The following ST6GALNAC3 variants were observed in gnomAD, a reference collection of about 807,000 sequenced individuals.
ST6GALNAC3 encodes alpha-N-acetylgalactosaminide alpha-2,6-sialyltransferase 3.
Under a neutral mutation model 32.7 loss-of-function variants are expected in ST6GALNAC3, and 25 were observed. The ratio of observed to expected loss-of-function variants is 0.76; its 90% CI spans 0.56 to 1.07. The LOEUF is 1.07. ST6GALNAC3 is among the 50% of genes least tolerant of loss of function. The pLI is 0.00. For synonymous variants in ST6GALNAC3, 129 were observed against 133.1 expected (o/e 0.97, Z 0.21); for missense variants, 355 against 382.4 (o/e 0.93, Z 0.60).
chr1:76,346,429 G>A (rs1329450954), intron 2 of ST6GALNAC3, among the ~76,000 whole-genome samples: 1 of 152,202 alleles, frequency 6.6e-6, no homozygotes, highest in Non-Finnish European at 1.5e-5. Flanking sequence ...TGGCATTTCA[G>A]GAGATGCCTT....
At chr1:76,306,358 T>C (rs939117554) in intron 1 of ST6GALNAC3, among the ~76,000 whole-genome samples, 1 of 152,042 alleles carries the variant, frequency 6.6e-6, no homozygotes, top group Non-Finnish European at 1.5e-5. Context: ...CTCTTTCAGC[T>C]CCACAATCCA....
intron 3 of ST6GALNAC3, among the ~76,000 whole-genome samples, chr1:76,586,086 T>C (rs1208311105): frequency 2.0e-5 from 3 of 152,182 alleles, no homozygotes; most frequent in African/African-American, 7.2e-5. Context: ...GTGGACTCTG[T>C]TTTGGTCTGT....
intron 1 of ST6GALNAC3, among the ~76,000 whole-genome samples, chr1:76,289,298 A>C (rs1659946279): frequency 6.6e-6 from 1 of 152,214 alleles, no homozygotes; most frequent in South Asian, 2.1e-4. Context: ...GGCAGTGGTC[A>C]TGAGCATAGA....
intron 3 of ST6GALNAC3, among the ~76,000 whole-genome samples, chr1:76,557,323 T>G (rs1285932514): frequency 6.6e-6 from 1 of 152,120 alleles, no homozygotes; most frequent in Non-Finnish European, 1.5e-5. Context: ...CCTCCAACTT[T>G]TTTATCCTTT....
intron 3 of ST6GALNAC3, among the ~76,000 whole-genome samples, chr1:76,620,524 G>C (rs1042479565): frequency 2.0e-5 from 3 of 152,032 alleles, no homozygotes; most frequent in African/African-American, 7.2e-5. Context: ...ACAGGTTTCT[G>C]GTGAAGGCTC....
At chr1:76,420,793 CT>C (rs746853013) in intron 3 of ST6GALNAC3, among the ~76,000 whole-genome samples, 17 of 152,166 alleles carry the variant, frequency 1.1e-4, no homozygotes, top group Admixed American at 3.9e-4. Flanking sequence ...GCACTTCCCC[CT>C]GTCACCATGC....
chr1:76,325,735 A>G (rs1387382397), intron 2 of ST6GALNAC3, among the ~76,000 whole-genome samples: 15 of 149,850 alleles, frequency 1.0e-4, no homozygotes, highest in Non-Finnish European at 2.2e-4. Flanking sequence ...AATTATTTTT[A>G]CAATTATTAT....
chr1:76,507,451 A>C (rs1661550098), intron 3 of ST6GALNAC3, among the ~76,000 whole-genome samples: 1 of 152,050 alleles, frequency 6.6e-6, no homozygotes, highest in Non-Finnish European at 1.5e-5. Context: ...GCCCCCCAAC[A>C]CTTGCTGGGC....
intron 3 of ST6GALNAC3, among the ~76,000 whole-genome samples, chr1:76,444,253 A>G (rs910007116): frequency 6.6e-6 from 1 of 152,198 alleles, no homozygotes; most frequent in Non-Finnish European, 1.5e-5. Flanking sequence ...AAGGGATACT[A>G]GAAAATCCTT....
At chr1:76,557,144 C>T (rs1039594604) in intron 3 of ST6GALNAC3, among the ~76,000 whole-genome samples, 1 of 152,008 alleles carries the variant, frequency 6.6e-6, no homozygotes, top group African/African-American at 2.4e-5. Context: ...CCCCGACCCT[C>T]ACCATTGGAT....
intron 3 of ST6GALNAC3, among the ~76,000 whole-genome samples, chr1:76,573,309 A>T (rs1236931491): frequency 6.6e-6 from 1 of 152,148 alleles, no homozygotes; most frequent in Non-Finnish European, 1.5e-5. Flanking sequence ...ACCTGCTGAC[A>T]GGCCAGGATC....
chr1:76,259,484 A>G (rs145046145), intron 1 of ST6GALNAC3, among the ~76,000 whole-genome samples: 87 of 152,280 alleles, frequency 5.7e-4, no homozygotes, highest in South Asian at 3.7e-3. Context: ...CACCCAGTCA[A>G]TGTGCAATAA....
chr1:76,577,640 C>T (rs1177506982), intron 3 of ST6GALNAC3, among the ~76,000 whole-genome samples: 1 of 151,848 alleles, frequency 6.6e-6, no homozygotes, highest in African/African-American at 2.4e-5. Flanking sequence ...AGGAGCAACA[C>T]CCTCAGAGCA....
chr1:76,428,391 G>A (rs1655536367), intron 3 of ST6GALNAC3, among the ~76,000 whole-genome samples: 1 of 152,070 alleles, frequency 6.6e-6, no homozygotes, highest in African/African-American at 2.4e-5. Flanking sequence ...CAAAAAATGA[G>A]AAAAATTATA....
intron 2 of ST6GALNAC3, among the ~76,000 whole-genome samples, chr1:76,364,275 G>A (rs28647864): frequency 0.19 from 28,803 of 152,132 alleles, 3,375 homozygotes; most frequent in Admixed American, 0.31. Flanking sequence ...TTGGTCAGGC[G>A]CGGTGGCTCA....
chr1:76,287,469 G>C (rs1035628528), intron 1 of ST6GALNAC3, among the ~76,000 whole-genome samples: 4 of 148,874 alleles, frequency 2.7e-5, no homozygotes, highest in Non-Finnish European at 3.0e-5. Context: ...GAGTTATTTG[G>C]TCACAGTAAA....
intron 1 of ST6GALNAC3, among the ~76,000 whole-genome samples, chr1:76,266,950 A>G (rs1658565020): frequency 1.3e-5 from 2 of 152,320 alleles, no homozygotes; most frequent in South Asian, 4.1e-4. Context: ...ATATGCGGAT[A>G]TGCTCGGGTC....
intron 1 of ST6GALNAC3, among the ~76,000 whole-genome samples, chr1:76,119,718 T>G (rs1177676864): frequency 6.6e-6 from 1 of 152,262 alleles, no homozygotes; most frequent in Non-Finnish European, 1.5e-5. Context: ...AACAATTAAG[T>G]CTTCCAGTTA....
intron 2 of ST6GALNAC3, among the ~76,000 whole-genome samples, chr1:76,338,715 A>G (rs1431996882): frequency 1.4e-5 from 2 of 145,480 alleles, no homozygotes; most frequent in Admixed American, 1.4e-4. Flanking sequence ...CCCACCCCTA[A>G]TGAAGAATTA....
Sources: gnomAD v4.1 joint callset for allele counts (sites outside exome capture counted in the v4.1 genomes callset) on GRCh38, gnomAD v4.1.1 for gene constraint, MANE v1.5 for transcripts, NCBI Gene and HGNC (gene_info 2026-07-23, HGNC 2026-07-21) for gene names.